Variants in KCNMA1 observed in about 807,000 individuals in gnomAD.
KCNMA1 encodes the protein potassium calcium-activated channel subfamily M alpha 1.
In KCNMA1, 29 loss-of-function variants were observed where a neutral mutation model predicts 140.0. The observed-to-expected ratio is 0.21, with a 90% CI of 0.15 to 0.28. The LOEUF (loss-of-function observed/expected upper bound fraction) is 0.28, where lower values mean the gene tolerates loss of function less well. KCNMA1 is among the 10% of genes least tolerant of loss of function. The pLI is 1.00. For synonymous variants in KCNMA1, 612 were observed against 611.9 expected (o/e 1.00, Z 0.00); for missense variants, 880 against 1,602.2 (o/e 0.55, Z 7.70).
chr10:76,917,813 G>A (rs1564895542), intron 23 of KCNMA1, among the ~76,000 whole-genome samples: 1 of 152,188 alleles, frequency 6.6e-6, no homozygotes, highest in Non-Finnish European at 1.5e-5. Context: ...TTATGTTAAA[G>A]GTGAACATAA....
chr10:77,233,873 C>T (rs940936322), intron 3 of KCNMA1, among the ~76,000 whole-genome samples: 1 of 152,140 alleles, frequency 6.6e-6, no homozygotes, highest in Non-Finnish European at 1.5e-5. Context: ...CCCAGTTAGC[C>T]CCACTTTGTT....
intron 1 of KCNMA1, among the ~76,000 whole-genome samples, chr10:77,540,487 G>T (rs1473957492): frequency 6.6e-6 from 1 of 152,144 alleles, no homozygotes; most frequent in Non-Finnish European, 1.5e-5. Flanking sequence ...CATACTTATG[G>T]ATAAAAATAA....
At chr10:77,016,876 G>A (rs1166578075) in intron 17 of KCNMA1, among the ~76,000 whole-genome samples, 2 of 152,052 alleles carry the variant, frequency 1.3e-5, no homozygotes, top group African/African-American at 4.8e-5. Flanking sequence ...GCAGTGGAGG[G>A]TGCAAACTCG....
In KCNMA1 at chr10:77,378,175, G is replaced by A. The variant is rs746159769; in HGVS notation, c.540+25687C>T. Among the ~76,000 whole-genome samples, 14 of 152,238 alleles carry A rather than the reference G, an allele frequency of 9.2e-5. No individual in the cohort carries two copies. In the Middle Eastern group the frequency reaches 0.01, roughly 111 times the overall value. ...GGTCACTGCAGCCTCAGGTGCCACC[G>A]AGCCGACAGGCCATGAAAAGAACAC... On this transcript the variant is annotated intron_variant, in intron 2 of 27. Coordinates refer to ENST00000286628, the MANE Select transcript of KCNMA1 (RefSeq NM_001161352.2).
chr10:77,610,527 C>T (rs2086458158), intron 1 of KCNMA1, among the ~76,000 whole-genome samples: 1 of 152,238 alleles, frequency 6.6e-6, no homozygotes, highest in East Asian at 1.9e-4. Context: ...GCCAGCGGTG[C>T]TGTCTCTTTT....
At chr10:77,532,110 C>T (rs816828) in intron 1 of KCNMA1, among the ~76,000 whole-genome samples, 90,750 of 152,084 alleles carry the variant, frequency 0.6, 27,717 homozygotes, top group East Asian at 0.8. Context: ...CAACTCAATA[C>T]GAATCAGAAA....
At chr10:77,212,366 G>C (rs183464182) in intron 3 of KCNMA1, among the ~76,000 whole-genome samples, 1 of 152,134 alleles carries the variant, frequency 6.6e-6, no homozygotes, top group African/African-American at 2.4e-5. Flanking sequence ...CAAACACTGC[G>C]TGTTCTCACT....
chr10:76,956,690 T>C (rs1048957560), intron 20 of KCNMA1, among the ~76,000 whole-genome samples: 1 of 152,028 alleles, frequency 6.6e-6, no homozygotes, highest in Non-Finnish European at 1.5e-5. Context: ...AGGAAAAAAA[T>C]ATATATACAC....
At chr10:77,478,981 C>T (rs529626589) in intron 1 of KCNMA1, among the ~76,000 whole-genome samples, 19 of 152,106 alleles carry the variant, frequency 1.2e-4, no homozygotes, top group South Asian at 4.2e-4. Context: ...TCTAGGATCT[C>T]GGCATTATAA....
intron 9 of KCNMA1, among the ~76,000 whole-genome samples, chr10:77,092,724 C>G (rs927846372): frequency 6.6e-6 from 1 of 152,218 alleles, no homozygotes; most frequent in Non-Finnish European, 1.5e-5. Flanking sequence ...CCAGCATAAG[C>G]CTGGTTATTA....
At chr10:77,109,689 T>G (rs2097274712) in intron 8 of KCNMA1, among the ~76,000 whole-genome samples, 1 of 152,154 alleles carries the variant, frequency 6.6e-6, no homozygotes, top group Non-Finnish European at 1.5e-5. Context: ...TCTCCTTTGA[T>G]GTAGGGACCC....
intron 1 of KCNMA1, among the ~76,000 whole-genome samples, chr10:77,553,952 G>C (rs2063490645): frequency 6.6e-6 from 1 of 151,744 alleles, no homozygotes; most frequent in Admixed American, 6.6e-5. Flanking sequence ...TTCCAGTTTT[G>C]TAGGTCTTGA....
intron 2 of KCNMA1, among the ~76,000 whole-genome samples, chr10:77,380,088 T>C (rs758107519): frequency 6.6e-6 from 1 of 152,184 alleles, no homozygotes; most frequent in Non-Finnish European, 1.5e-5. Flanking sequence ...AAATAGTTAC[T>C]CTCAGAGGGG....
intron 14 of KCNMA1, among the ~76,000 whole-genome samples, chr10:77,048,759 C>G (rs1342681649): frequency 1.3e-5 from 2 of 152,080 alleles, no homozygotes; most frequent in East Asian, 1.9e-4. Flanking sequence ...AAGAGGAGAA[C>G]ATGACTTTTT....
At chr10:77,035,263 C>T (rs996078369) in intron 15 of KCNMA1, among the ~76,000 whole-genome samples, 8 of 152,144 alleles carry the variant, frequency 5.3e-5, no homozygotes, top group Admixed American at 5.2e-4. Flanking sequence ...CTTCTTTATC[C>T]CCCATCTGAA....
chr10:77,162,678 G>A lies in KCNMA1; in HGVS notation c.808+20743C>T, dbSNP rs181751037. Among the ~76,000 whole-genome samples, 14 of 152,184 alleles carry A rather than the reference G, an allele frequency of 9.2e-5. No individual in the cohort carries two copies. The East Asian group carries it at 2.7e-3, about 29-fold the overall frequency. Reference sequence around the variant, plus strand: ...GAAAACCCACTGGTACTCTCCAATGGGTAAAGAATGAGACAGAACTAGCAG... The same window carrying A: ...GAAAACCCACTGGTACTCTCCAATGAGTAAAGAATGAGACAGAACTAGCAG... On this transcript the variant is annotated intron_variant, in intron 5 of 27. Transcript: ENST00000286628.
chr10:77,174,187 A>G (rs547739238), intron 5 of KCNMA1, among the ~76,000 whole-genome samples: 66 of 152,188 alleles, frequency 4.3e-4, no homozygotes, highest in Non-Finnish European at 8.5e-4. Context: ...TGAGTCCTTA[A>G]GTATATTTAA....
intron 2 of KCNMA1, among the ~76,000 whole-genome samples, chr10:77,272,143 T>C (rs1314414724): frequency 1.3e-5 from 2 of 152,194 alleles, no homozygotes; most frequent in Non-Finnish European, 2.9e-5. Flanking sequence ...AATCACATTG[T>C]TGACTTACTT....
chr10:77,178,894 AT>A (rs1281240315), intron 5 of KCNMA1, among the ~76,000 whole-genome samples: 1 of 152,156 alleles, frequency 6.6e-6, no homozygotes, highest in African/African-American at 2.4e-5. Context: ...TGAGGTTTGG[AT>A]TTGTAAGGGA....
Sources: allele counts gnomAD v4.1 joint callset (sites outside exome capture counted in the v4.1 genomes callset), GRCh38; gene constraint gnomAD v4.1.1; transcripts MANE v1.5; gene names NCBI Gene and HGNC (gene_info 2026-07-23, HGNC 2026-07-21).